Variants in OSMR observed in about 807,000 individuals in gnomAD.
The protein encoded by OSMR is oncostatin-M-specific receptor subunit beta.
A neutral mutation model predicts 99.9 loss-of-function variants in OSMR; 81 were observed. The observed-to-expected ratio is 0.81, with a 90% CI of 0.68 to 0.97. The LOEUF is 0.97. Ranked by LOEUF, OSMR falls within the 50% of genes least tolerant of loss-of-function variation. The pLI is 0.00. For missense variants in OSMR, 1,099 were observed against 1,153.4 expected, an observed-to-expected ratio of 0.95 and a Z score of 0.68; for synonymous variants, 406 against 410.4, an observed-to-expected ratio of 0.99 and a Z score of 0.13.
intron 1 of OSMR, among the ~76,000 whole-genome samples, chr5:38,860,711 C>T (rs887485389): frequency 2.8e-4 from 43 of 152,138 alleles, no homozygotes; most frequent in African/African-American, 8.9e-4. Flanking sequence ...TCGCTGTTGT[C>T]GCCCAGGCTG....
At chr5:38,890,008 C>T (rs1287043600) in intron 7 of OSMR, among the ~76,000 whole-genome samples, 1 of 152,154 alleles carries the variant, frequency 6.6e-6, no homozygotes, top group Non-Finnish European at 1.5e-5. Flanking sequence ...TTATAACAAA[C>T]TATATATGAT....
intron 9 of OSMR, among the ~76,000 whole-genome samples, chr5:38,905,257 G>A (rs1745153182): frequency 1.3e-5 from 2 of 152,254 alleles, no homozygotes; most frequent in South Asian, 4.1e-4. Context: ...TTGGGAGGCC[G>A]AGGAAGGTGG....
At position 38,862,728 on chromosome 5, in the gene OSMR, C is replaced by T. The variant is rs372609497; in HGVS notation, c.-13-6304C>T. 6.7e-4 allele frequency among the ~76,000 whole-genome samples: 93 copies of T among 139,560 alleles called. 1 individual carries two copies. In the East Asian group the frequency reaches 9.3e-3, roughly 14 times the overall value. The allele number at this position is 139,560 out of a possible 152,430, so 91.6% of individuals were successfully genotyped here. ...CTCACTTCCTAGATGGGATGGCGGC[C>T]GGGAAGAGGCGCTCCTCACTTCCCA... On this transcript the variant is annotated intron_variant, in intron 1 of 17. Transcript: ENST00000274276.
chr5:38,856,619 A>G (rs1011985460), intron 1 of OSMR, among the ~76,000 whole-genome samples: 1 of 152,226 alleles, frequency 6.6e-6, no homozygotes, highest in Non-Finnish European at 1.5e-5. Flanking sequence ...TATAAAGGGC[A>G]GGAATTCCAG....
At chr5:38,912,722 A>G (rs1241822760) in intron 9 of OSMR, among the ~76,000 whole-genome samples, 1 of 152,208 alleles carries the variant, frequency 6.6e-6, no homozygotes, top group Non-Finnish European at 1.5e-5. Flanking sequence ...CAGTATAAAA[A>G]CAGTCACATA....
intron 15 of OSMR, among the ~76,000 whole-genome samples, chr5:38,927,939 C>A (rs796714570): frequency 2.6e-5 from 4 of 152,300 alleles, no homozygotes; most frequent in African/African-American, 9.6e-5. Flanking sequence ...TCAAGTTCAA[C>A]GTTCCACAGA....
chr5:38,862,788 G>A (rs1266296402), intron 1 of OSMR, among the ~76,000 whole-genome samples: 2 of 151,464 alleles, frequency 1.3e-5, no homozygotes, highest in East Asian at 2.0e-4. Flanking sequence ...CTGCAATCTC[G>A]GCACTTTGGG....
Position 38,917,525 on chromosome 5 carries a change from CT to C in OSMR, c.1286-17del. 1 of 1,611,756 alleles carries C rather than the reference CT, an allele frequency of 6.2e-7. No individual in the cohort carries two copies. The highest frequency in any genetic ancestry group is 8.5e-7 in the Non-Finnish European group (1 of 1,178,156). The stretch of plus-strand genomic sequence containing the variant: ...TTACATACATATTGTGACTCAAGAA[CT>C]TTTCTTTGGTTAATTTCAGCTCCCT... On this transcript the variant is annotated intron_variant, in intron 9 of 17. Transcript: ENST00000274276.
In OSMR at chr5:38,883,954, A is replaced by G. The variant is rs1428036492; in HGVS notation, c.546A>G (p.Glu182=). Residue 182 remains glutamate (E), a synonymous_variant, in exon 5 of 18, where the codon GAA becomes GAG. Transcript: ENST00000274276. Reference sequence around the variant, plus strand: ...AAAATAATGTATCCTGTTATTTGGAAGGGAAACAGATTCATGGAGAACAAC... The same window carrying G: ...AAAATAATGTATCCTGTTATTTGGAGGGGAAACAGATTCATGGAGAACAAC... ...NIQNNVSCYL[E]GKQIHGEQLD... The G allele has an allele frequency of 5.0e-6, 8 of 1,614,030 alleles. No individual in the cohort carries two copies. Among genetic ancestry groups the G allele is most frequent in the Middle Eastern group, 1.6e-4 (1 of 6,062 alleles).
intron 13 of OSMR, 80 bp from the exon 14 acceptor site, chr5:38,924,342 G>T: frequency 6.2e-7 from 1 of 1,605,712 alleles, no homozygotes. Flanking sequence ...GCTGGCTATG[G>T]TTCTTCTATT....
chr5:38,916,646 A>G (rs1392999231), intron 9 of OSMR, among the ~76,000 whole-genome samples: 1 of 152,220 alleles, frequency 6.6e-6, no homozygotes, highest in Non-Finnish European at 1.5e-5. Flanking sequence ...TTGGATTTAA[A>G]GACCTTTCCT....
rs10941412 is a variant in OSMR at position 38,919,056 on chromosome 5, G to C, written c.1579G>C (p.Glu527Gln). Residue 527 changes from glutamate to glutamine, a missense_variant, in exon 11 of 18, where the codon GAA becomes CAA. Glu to Gln is a conservative substitution (Grantham distance 29). Transcript: ENST00000274276. ...TGTAATAGTCATCTCTGCAGACCCC[G>C]AAAACAGTGAGTTTGTTTTCATTTT... ...ASVIVISADP[E>Q]NKEVEEERIA... 1.2e-6 allele frequency: 2 copies of C among 1,613,662 alleles called. No individual in the cohort carries two copies. Among genetic ancestry groups the C allele is most frequent in the African/African-American group, 1.3e-5 (1 of 74,828 alleles).
At chr5:38,866,481 G>A (rs1741954366) in intron 1 of OSMR, among the ~76,000 whole-genome samples, 1 of 152,164 alleles carries the variant, frequency 6.6e-6, no homozygotes, top group Admixed American at 6.5e-5. Context: ...TGTTCTGAGG[G>A]TAGCTTCCCC....
chr5:38,904,447 G>A lies in OSMR; in HGVS notation c.1229G>A (p.Ser410Asn), dbSNP rs1480417551. 6.2e-7 allele frequency: 1 copy of A among 1,614,138 alleles called. No individual in the cohort carries two copies. The highest frequency in any genetic ancestry group is 1.7e-5 in the Admixed American group (1 of 60,024). ...YMARVRCADA[S>N]HFWKWSEWSG... ...GCGCGAGTACGGTGTGCTGATGCCA[G>A]CCACTTCTGGAAATGGAGTGAATGG... The change falls in exon 9 of 18, where the codon AGC (serine) becomes AAC (asparagine). Residue 410 changes from serine to asparagine, a missense_variant. Transcript: ENST00000274276.
At chr5:38,944,656 T>G (rs1349589184) in intron 2 of OSMR, 4 of 1,200,958 alleles carry the variant, frequency 3.3e-6, no homozygotes, top group African/African-American at 1.5e-5. Flanking sequence ...AAACTTCACC[T>G]AAAGACCTAG....
intron 9 of OSMR, among the ~76,000 whole-genome samples, chr5:38,906,349 T>G (rs1053587302): frequency 7.2e-5 from 11 of 152,186 alleles, no homozygotes; most frequent in African/African-American, 2.7e-4. Context: ...CTATAGGAAT[T>G]TTTTATTACT....
chr5:38,875,139 T>G (rs1290620318), intron 2 of OSMR, among the ~76,000 whole-genome samples: 1 of 152,244 alleles, frequency 6.6e-6, no homozygotes, highest in Non-Finnish European at 1.5e-5. Context: ...TGATATCTCT[T>G]ACGCCATGAG....
intron 11 of OSMR, 31 bp downstream of exon 11, chr5:38,919,093 A>T (rs928792271): frequency 1.2e-5 from 19 of 1,610,732 alleles, no homozygotes; most frequent in Non-Finnish European, 1.6e-5. Context: ...TTTTGTTTTT[A>T]TTCTCTAGGA....
intron 1 of OSMR, chr5:38,940,864 A>G (rs1456999394): frequency 4.3e-6 from 1 of 232,206 alleles, no homozygotes. Context: ...AAGGATCTGC[A>G]TCATGGGAAA....
Sources: allele counts gnomAD v4.1 joint callset (sites outside exome capture counted in the v4.1 genomes callset), GRCh38; gene constraint gnomAD v4.1.1; transcripts MANE v1.5; gene names NCBI Gene and HGNC (gene_info 2026-07-23, HGNC 2026-07-21).